Variants in ARFGEF2 observed in about 807,000 individuals in gnomAD.
ARFGEF2 encodes brefeldin A-inhibited guanine nucleotide-exchange protein 2.
ARFGEF2 carries 74 observed loss-of-function variants against 219.9 expected under a neutral mutation model. That is an observed-to-expected ratio of 0.34 (90% confidence interval 0.28 to 0.41). The LOEUF is 0.41. Among genes scored for constraint, ARFGEF2 ranks in the 10% least tolerant of loss-of-function variants. The pLI is 1.00. For missense variants in ARFGEF2, 1,743 were observed against 2,218.3 expected, an observed-to-expected ratio of 0.79 and a Z score of 4.30; for synonymous variants, 733 against 799.2, an observed-to-expected ratio of 0.92 and a Z score of 1.40.
Position 48,928,590 on chromosome 20 carries a change from G to A in ARFGEF2, c.121+6580G>A, listed in dbSNP as rs562273462. Reference sequence around the variant, plus strand: ...GCTCACTGCAAGCTCTGCCTCCTGGGTTCACGCCATTCTCCTGCCTCAGCC... The same window carrying A: ...GCTCACTGCAAGCTCTGCCTCCTGGATTCACGCCATTCTCCTGCCTCAGCC... On this transcript the variant is annotated intron_variant, in intron 1 of 38. Coordinates refer to ENST00000371917, the MANE Select transcript of ARFGEF2 (RefSeq NM_006420.3). Among the ~76,000 whole-genome samples the A allele has an allele frequency of 4.0e-5, 6 of 149,722 alleles. 1 individual carries two copies. Among genetic ancestry groups the A allele is most frequent in the African/African-American group, 1.5e-4 (6 of 40,648 alleles).
chr20:48,928,192 CTTTTTT>C (rs747462352), intron 1 of ARFGEF2, among the ~76,000 whole-genome samples: 3 of 104,768 alleles, frequency 2.9e-5, no homozygotes, highest in East Asian at 2.9e-4. Context: ...GTGTTGCAAT[CTTTTTT>C]TTTTTTTTTT....
intron 26 of ARFGEF2, among the ~76,000 whole-genome samples, chr20:49,006,017 C>T (rs367711053): frequency 7.2e-5 from 11 of 151,926 alleles, no homozygotes; most frequent in East Asian, 3.9e-4. Context: ...TGTGTTTGGC[C>T]GGGCGCGGTG....
intron 26 of ARFGEF2, among the ~76,000 whole-genome samples, chr20:49,005,629 T>C (rs1365424461): frequency 1.3e-5 from 2 of 150,404 alleles, no homozygotes; most frequent in African/African-American, 4.9e-5. Flanking sequence ...GTCCAGCTAC[T>C]TGGGAGGCTG....
intron 30 of ARFGEF2, among the ~76,000 whole-genome samples, chr20:49,014,703 A>G (rs973911565): frequency 6.6e-5 from 10 of 152,148 alleles, no homozygotes; most frequent in African/African-American, 1.9e-4. Flanking sequence ...AGGTGGGAGG[A>G]TTACTTGAGG....
intron 20 of ARFGEF2, 78 bp from the exon 21 acceptor site, chr20:48,990,962 G>A: frequency 6.6e-7 from 1 of 1,510,278 alleles, no homozygotes; most frequent in Non-Finnish European, 9.1e-7. Context: ...GAGAAGCCCA[G>A]TGTGCCAGCC....
At chr20:49,025,512 C>A in intron 36 of ARFGEF2, 31 bp downstream of exon 36, 1 of 1,612,546 alleles carries the variant, frequency 6.2e-7, no homozygotes, top group Non-Finnish European at 8.5e-7. Flanking sequence ...AGATAGATGG[C>A]CACACTGGTC....
At chr20:48,986,497 C>T (rs2091327183) in intron 16 of ARFGEF2, among the ~76,000 whole-genome samples, 1 of 151,918 alleles carries the variant, frequency 6.6e-6, no homozygotes, top group Non-Finnish European at 1.5e-5. Flanking sequence ...GCTGGGTAAT[C>T]CCAGCTGCTC....
chr20:48,942,477 T>G (rs1333262738), intron 3 of ARFGEF2, among the ~76,000 whole-genome samples: 69 of 120,990 alleles, frequency 5.7e-4, no homozygotes, highest in African/African-American at 2.8e-3. Context: ...TACTTGGTTT[T>G]TTTTTTTTTT....
intron 8 of ARFGEF2, among the ~76,000 whole-genome samples, chr20:48,967,880 T>A (rs1321150303): frequency 6.6e-6 from 1 of 152,246 alleles, no homozygotes; most frequent in Non-Finnish European, 1.5e-5. Flanking sequence ...CATCTATTGG[T>A]ACATTGCTTA....
rs2123459318 is a variant in ARFGEF2, at chr20:48,988,326, G to A, written c.2299G>A (p.Asp767Asn). 1 of 1,613,514 alleles carries A rather than the reference G, an allele frequency of 6.2e-7. No homozygotes were observed. Among genetic ancestry groups the A allele is most frequent in the Non-Finnish European group, 8.5e-7 (1 of 1,179,978 alleles). ...NQGQTLFASADTAYVLAYSII... is the reference protein window; with the variant it reads ...NQGQTLFASANTAYVLAYSII... ...CAGGCAAACTCTGTTTGCTAGTGCT[G>A]ACACTGCTTATGTCCTAGCGTATTC... Residue 767 changes from aspartate (D) to asparagine (N), a missense_variant, in exon 17 of 39, where the codon GAC becomes AAC. This residue lies in a region of ARFGEF2 where 666 missense variants were observed against 955.4 expected (regional missense o/e 0.70). Transcript: ENST00000371917.
In ARFGEF2 at chr20:48,972,800, C is replaced by T. The variant is rs538164524; in HGVS notation, c.1526-345C>T. Among the ~76,000 whole-genome samples the T allele has an allele frequency of 7.2e-5, 11 of 152,212 alleles. 1 individual carries two copies. In the South Asian group the frequency reaches 2.3e-3, roughly 32 times the overall value. The stretch of plus-strand genomic sequence containing the variant: ...TACCTTACACTATACAATTGTGTGG[C>T]CTCAAAGTAAGCATCCTGCTTGTCT... On this transcript the variant is annotated intron_variant, in intron 11 of 38. Coordinates refer to ENST00000371917, the MANE Select transcript of ARFGEF2 (RefSeq NM_006420.3).
Position 48,965,881 on chromosome 20 carries a change from A to G in ARFGEF2, c.917A>G (p.Glu306Gly), listed in dbSNP as rs989708411. 6 of 1,614,088 alleles carry G rather than the reference A, an allele frequency of 3.7e-6. No individual in the cohort carries two copies. The African/African-American group carries it at 6.7e-5, about 18-fold the overall frequency. ...VVTSAIKEAAEKHGLTEPERV... is the reference protein window; with the variant it reads ...VVTSAIKEAAGKHGLTEPERV... ...GTACTTGTGTTTTAAGAAGCAGCGGAAAAGCATGGTCTGACAGAACCTGAG... is the reference window on the plus strand; with the variant it reads ...GTACTTGTGTTTTAAGAAGCAGCGGGAAAGCATGGTCTGACAGAACCTGAG... The change falls in exon 8 of 39, where the codon GAA (glutamate) becomes GGA (glycine). Residue 306 changes from glutamate to glycine, a missense_variant. Glu to Gly is a moderately conservative substitution (Grantham distance 98, BLOSUM62 -2). Around this residue, in one of 5 missense-constraint regions of ARFGEF2, gnomAD observed 394 missense variants for 426.6 expected, o/e 0.92. Transcript: ENST00000371917.
At position 48,951,325 on chromosome 20, in the gene ARFGEF2, A is replaced by T; in HGVS notation, c.279A>T (p.Lys93Asn). The T allele has an allele frequency of 1.2e-6, 2 of 1,613,834 alleles. No individual in the cohort carries two copies. Among genetic ancestry groups the T allele is most frequent in the Non-Finnish European group, 1.7e-6 (2 of 1,179,944 alleles). The change falls in exon 4 of 39, where the codon AAA (lysine) becomes AAT (asparagine). Residue 93 changes from lysine to asparagine, a missense_variant and splice_region_variant. Physicochemically the swap from Lys to Asn is moderately conservative, Grantham distance 94. Around this residue, in one of 5 missense-constraint regions of ARFGEF2, gnomAD observed 394 missense variants for 426.6 expected, o/e 0.92. Coordinates refer to ENST00000371917, the MANE Select transcript of ARFGEF2 (RefSeq NM_006420.3). ...ATCTCTGTTCTTTCTCTCTTTAGAA[A>T]CTCATCGCATACGGGCACATCACTG... ...VVSTSLDCLQ[K>N]LIAYGHITGN...
At chr20:48,963,765 C>G in intron 6 of ARFGEF2, 65 bp from the exon 7 acceptor site, 1 of 1,504,824 alleles carries the variant, frequency 6.6e-7, no homozygotes, top group Non-Finnish European at 9.2e-7. Context: ...ATCTCCTTTT[C>G]CTCTCTTCCT....
At chr20:48,987,357 A>G (rs2091332449) in intron 16 of ARFGEF2, among the ~76,000 whole-genome samples, 1 of 152,216 alleles carries the variant, frequency 6.6e-6, no homozygotes, top group African/African-American at 2.4e-5. Context: ...CTTCAGCCTC[A>G]TATCGTATGA....
chr20:48,999,428 C>CA (rs2091411084), intron 25 of ARFGEF2, among the ~76,000 whole-genome samples: 1 of 151,766 alleles, frequency 6.6e-6, no homozygotes. Flanking sequence ...TTATCACGGC[C>CA]AAAAAACTGG....
intron 30 of ARFGEF2, among the ~76,000 whole-genome samples, chr20:49,014,610 C>T (rs2091519423): frequency 6.6e-6 from 1 of 152,068 alleles, no homozygotes; most frequent in African/African-American, 2.4e-5. Flanking sequence ...GCAAAATTTT[C>T]TCCATCTTCT....
In ARFGEF2 at chr20:49,010,240, C is replaced by G; in HGVS notation, c.3593C>G (p.Thr1198Ser). 6.2e-7 allele frequency: 1 copy of G among 1,613,528 alleles called. No homozygotes were observed. The highest frequency in any genetic ancestry group is 8.5e-7 in the Non-Finnish European group (1 of 1,179,490). The change falls in exon 27 of 39, where the codon ACC becomes AGC. Residue 1198 changes from threonine to serine, a missense_variant. By Grantham distance (58) the Thr-to-Ser change is moderately conservative (BLOSUM62 1). Transcript: ENST00000371917. ...TCCCATTCTTTCCTCAGGTCTCCCA[C>G]CATCCGGGACATGGCGATCCGCTGC... The part of the protein sequence containing the change: ...EHIMKKNRSP[T>S]IRDMAIRCIA...
At chr20:48,949,933 T>A (rs2091054780) in intron 3 of ARFGEF2, among the ~76,000 whole-genome samples, 1 of 152,188 alleles carries the variant, frequency 6.6e-6, no homozygotes, top group East Asian at 1.9e-4. Context: ...TGATCAACCA[T>A]CAATATAACG....
Sources: allele counts gnomAD v4.1 joint callset (sites outside exome capture counted in the v4.1 genomes callset), GRCh38; gene constraint gnomAD v4.1.1; regional missense constraint gnomAD v4.1.1; transcripts MANE v1.5; gene names NCBI Gene and HGNC (gene_info 2026-07-23, HGNC 2026-07-21).